NCKAP5: variants seen among roughly 807,000 people sequenced by gnomAD.
The protein encoded by NCKAP5 is nck-associated protein 5.
Under a neutral mutation model 167.0 loss-of-function variants are expected in NCKAP5, and 92 were observed. The ratio of observed to expected loss-of-function variants is 0.55; its 90% CI spans 0.47 to 0.66. The LOEUF (loss-of-function observed/expected upper bound fraction) is 0.66. Ranked by LOEUF, NCKAP5 falls within the 30% of genes least tolerant of loss-of-function variation. The probability of loss-of-function intolerance (pLI) is 0.00; values close to 1 mark genes in which losing one functional copy is unlikely to be tolerated. For synonymous variants in NCKAP5, 891 were observed against 877.4 expected, an observed-to-expected ratio of 1.02 and a Z score of -0.27; for missense variants, 2,378 against 2,315.0, an observed-to-expected ratio of 1.03 and a Z score of -0.56.
intron 4 of NCKAP5, among the ~76,000 whole-genome samples, chr2:133,250,631 T>C (rs2088265895): frequency 6.6e-6 from 1 of 152,204 alleles, no homozygotes; most frequent in African/African-American, 2.4e-5. Flanking sequence ...TCTCGCAATT[T>C]TTAAAAAGCA....
chr2:133,342,143 G>A (rs1297578154), intron 3 of NCKAP5, among the ~76,000 whole-genome samples: 1 of 152,080 alleles, frequency 6.6e-6, no homozygotes, highest in Non-Finnish European at 1.5e-5. Flanking sequence ...GTTTCACCAT[G>A]TTAGCCAGGA....
At chr2:132,872,313 T>A (rs545147726) in intron 9 of NCKAP5, among the ~76,000 whole-genome samples, 30 of 152,282 alleles carry the variant, frequency 2.0e-4, no homozygotes, top group Middle Eastern at 3.4e-3. Flanking sequence ...CAGTAAGAAT[T>A]TTCTCAGACA....
At chr2:133,259,909 G>A (rs1381194264) in intron 4 of NCKAP5, among the ~76,000 whole-genome samples, 1 of 152,044 alleles carries the variant, frequency 6.6e-6, no homozygotes, top group Non-Finnish European at 1.5e-5. Flanking sequence ...CTAGGTATCA[G>A]GCACTGAGAA....
the NCKAP5 span, among the ~76,000 whole-genome samples, chr2:133,602,133 G>A: frequency 6.1e-3 from 930 of 152,276 alleles, 28 homozygotes; most frequent in Admixed American, 0.054. Context: ...GAAGTGCCTC[G>A]AGGATGCTGC....
chr2:133,641,013 T>C, the NCKAP5 span, among the ~76,000 whole-genome samples: 1 of 152,224 alleles, frequency 6.6e-6, no homozygotes. Context: ...AATTTCTCTC[T>C]TTATCCCCAT....
chr2:133,426,581 C>T (rs1232899664), intron 3 of NCKAP5, among the ~76,000 whole-genome samples: 1 of 152,036 alleles, frequency 6.6e-6, no homozygotes, highest in Non-Finnish European at 1.5e-5. Flanking sequence ...TGTAATAATC[C>T]TCAACAAAGT....
intron 3 of NCKAP5, among the ~76,000 whole-genome samples, chr2:133,372,104 T>C (rs919343012): frequency 6.6e-6 from 1 of 152,202 alleles, no homozygotes; most frequent in Non-Finnish European, 1.5e-5. Context: ...CCCTGTTGTT[T>C]CTGGCAAAGG....
chr2:133,519,373 G>T (rs762801364), intron 2 of NCKAP5, among the ~76,000 whole-genome samples: 4 of 152,204 alleles, frequency 2.6e-5, no homozygotes, highest in Non-Finnish European at 4.4e-5. Flanking sequence ...TTTCAGAAAA[G>T]AAGTTAGTTC....
At position 133,116,487 on chromosome 2, in the gene NCKAP5, C is replaced by CAAAAAA. The variant is rs1176731938; in HGVS notation, c.341+13485_341+13490dup. ...TGGGCGACAGAGCGAGACTCCGTCT[C>CAAAAAA]AAAAAAAAAAAAAAAAAAAAAAAAA... On this transcript the variant is annotated intron_variant, in intron 6 of 19. Transcript: ENST00000409261. Among the ~76,000 whole-genome samples, 36 of 7,116 alleles carry CAAAAAA rather than the reference C, an allele frequency of 5.1e-3. 1 individual carries two copies. The highest frequency in any genetic ancestry group is 6.6e-3 in the Non-Finnish European group (26 of 3,944). 4.7% of individuals were successfully genotyped at this position (7,116 alleles called of 152,430 possible). A position where few individuals can be genotyped will look rare whatever the true frequency, so the allele number is the denominator to read the frequency against.
At chr2:133,297,721 G>A (rs1419070204) in intron 4 of NCKAP5, among the ~76,000 whole-genome samples, 1 of 152,152 alleles carries the variant, frequency 6.6e-6, no homozygotes, top group Non-Finnish European at 1.5e-5. Context: ...CTCAAAGGTG[G>A]TAGCCATAAA....
At chr2:133,178,688 G>T (rs12105099) in intron 5 of NCKAP5, among the ~76,000 whole-genome samples, 11 of 151,202 alleles carry the variant, frequency 7.3e-5, no homozygotes, top group Non-Finnish European at 1.6e-4. Flanking sequence ...AGCCAGGCGC[G>T]GTGGCGGGCA....
At chr2:132,868,440 A>AGTAACTG (rs1156903867) in intron 10 of NCKAP5, among the ~76,000 whole-genome samples, 1 of 152,202 alleles carries the variant, frequency 6.6e-6, no homozygotes, top group Middle Eastern at 3.2e-3. Flanking sequence ...AAACTATTGC[A>AGTAACTG]GTAACTGTTC....
intron 12 of NCKAP5, among the ~76,000 whole-genome samples, chr2:132,794,037 C>G (rs1371218160): frequency 6.6e-6 from 1 of 151,406 alleles, no homozygotes; most frequent in African/African-American, 2.4e-5. Context: ...CTGGCTTTCA[C>G]TTGCTAGCTC....
At chr2:133,234,848 T>C (rs1297274637) in intron 4 of NCKAP5, among the ~76,000 whole-genome samples, 1 of 151,396 alleles carries the variant, frequency 6.6e-6, no homozygotes, top group Admixed American at 6.6e-5. Context: ...AAAAAATACA[T>C]TTAGACACAG....
chr2:133,054,390 G>T (rs761256549), intron 6 of NCKAP5, among the ~76,000 whole-genome samples: 13 of 152,192 alleles, frequency 8.5e-5, no homozygotes, highest in Non-Finnish European at 1.6e-4. Flanking sequence ...TCAGAGAGGG[G>T]TTTACTGCTG....
At chr2:133,411,917 G>A (rs1298190363) in intron 3 of NCKAP5, among the ~76,000 whole-genome samples, 1 of 152,164 alleles carries the variant, frequency 6.6e-6, no homozygotes, top group Admixed American at 6.5e-5. Context: ...TGCTAGGTGA[G>A]AATGATTACT....
At chr2:132,894,763 G>A (rs940796417) in intron 8 of NCKAP5, among the ~76,000 whole-genome samples, 24 of 152,136 alleles carry the variant, frequency 1.6e-4, no homozygotes, top group African/African-American at 5.6e-4. Flanking sequence ...GGTGCAGATG[G>A]ACAGTAGCAG....
chr2:132,765,528 T>C (rs967065739), intron 16 of NCKAP5, among the ~76,000 whole-genome samples: 1 of 152,136 alleles, frequency 6.6e-6, no homozygotes, highest in Non-Finnish European at 1.5e-5. Context: ...TTGGCCAGGA[T>C]GGTCTCCATC....
intron 6 of NCKAP5, among the ~76,000 whole-genome samples, chr2:132,996,655 A>AT (rs2077610259): frequency 6.6e-6 from 1 of 152,254 alleles, no homozygotes; most frequent in East Asian, 1.9e-4. Context: ...ATCTTCTGGA[A>AT]TAAATGACAA....
Sources: gnomAD v4.1 joint callset for allele counts (sites outside exome capture counted in the v4.1 genomes callset) on GRCh38, gnomAD v4.1.1 for gene constraint, MANE v1.5 for transcripts, NCBI Gene and HGNC (gene_info 2026-07-23, HGNC 2026-07-21) for gene names.